Variants in SLC44A5 observed in about 807,000 individuals in gnomAD.
The protein encoded by SLC44A5 is solute carrier family 44 member 5, also known as choline transporter-like protein 5.
A neutral mutation model predicts 101.8 loss-of-function variants in SLC44A5; 57 were observed. The observed-to-expected ratio is 0.56, with a 90% confidence interval of 0.45 to 0.70. SLC44A5 has a LOEUF of 0.70. Among genes scored for constraint, SLC44A5 ranks in the 30% least tolerant of loss-of-function variants. The pLI, the probability that SLC44A5 is intolerant of heterozygous loss-of-function variation, is 0.00. For missense variants in SLC44A5, 737 were observed against 853.1 expected, an observed-to-expected ratio of 0.86 and a Z score of 1.70; for synonymous variants, 281 against 290.9, an observed-to-expected ratio of 0.97 and a Z score of 0.35.
At chr1:75,621,692 C>T in the SLC44A5 span, among the ~76,000 whole-genome samples, 2 of 152,064 alleles carry the variant, frequency 1.3e-5, no homozygotes, top group Non-Finnish European at 2.9e-5. Context: ...GTCAAATGAT[C>T]CAAACTTGCT....
chr1:75,224,350 A>G (rs1647152468), intron 13 of SLC44A5, among the ~76,000 whole-genome samples: 1 of 152,200 alleles, frequency 6.6e-6, no homozygotes, highest in African/African-American at 2.4e-5. Context: ...TTGTTATTTC[A>G]GAGTGTACTC....
the SLC44A5 span, among the ~76,000 whole-genome samples, chr1:75,651,619 C>A: frequency 1.7e-4 from 26 of 150,458 alleles, no homozygotes; most frequent in Non-Finnish European, 3.4e-4. Flanking sequence ...ATGGCGTGAA[C>A]CCGGGAGGTG....
At chr1:75,466,049 C>A (rs149989372) in intron 2 of SLC44A5, among the ~76,000 whole-genome samples, 7 of 152,248 alleles carry the variant, frequency 4.6e-5, no homozygotes, top group African/African-American at 1.2e-4. Flanking sequence ...ACTCTTATAT[C>A]CAAATCAGAA....
the SLC44A5 span, among the ~76,000 whole-genome samples, chr1:75,674,787 G>A: frequency 4.6e-5 from 7 of 152,314 alleles, no homozygotes; most frequent in East Asian, 1.3e-3. Context: ...TAGAGAAAGG[G>A]ATAGGAGTAG....
At chr1:75,416,951 G>A (rs2101540448) in intron 2 of SLC44A5, among the ~76,000 whole-genome samples, 1 of 152,290 alleles carries the variant, frequency 6.6e-6, no homozygotes, top group African/African-American at 2.4e-5. Flanking sequence ...AGGCAGAAGG[G>A]ATTTGCCTTG....
intron 2 of SLC44A5, among the ~76,000 whole-genome samples, chr1:75,463,120 G>T (rs979969060): frequency 1.3e-5 from 2 of 151,964 alleles, no homozygotes; most frequent in African/African-American, 2.4e-5. Flanking sequence ...AAAGATCAAG[G>T]ATTAATAAAA....
At chr1:75,689,419 G>T in the SLC44A5 span, among the ~76,000 whole-genome samples, 28 of 152,266 alleles carry the variant, frequency 1.8e-4, no homozygotes, top group African/African-American at 6.0e-4. Context: ...TGTCTTAAAG[G>T]GGGGAACTCC....
chr1:75,277,302 G>A (rs74096329), intron 5 of SLC44A5, among the ~76,000 whole-genome samples: 4,947 of 152,234 alleles, frequency 0.032, 264 homozygotes, highest in African/African-American at 0.11. Context: ...CAGCTGTTGT[G>A]CTAACTTGAT....
chr1:75,359,358 C>T (rs564855217), intron 3 of SLC44A5, among the ~76,000 whole-genome samples: 1 of 151,066 alleles, frequency 6.6e-6, no homozygotes, highest in African/African-American at 2.4e-5. Flanking sequence ...CCTCAGTCTC[C>T]CAAGTAGCTG....
intron 2 of SLC44A5, among the ~76,000 whole-genome samples, chr1:75,490,596 C>G (rs549331253): frequency 1.5e-4 from 23 of 152,330 alleles, no homozygotes; most frequent in Non-Finnish European, 2.8e-4. Flanking sequence ...ACCTTCTACA[C>G]TCTCATTGTC....
chr1:75,224,395 T>C (rs193125269), intron 13 of SLC44A5, among the ~76,000 whole-genome samples: 1 of 152,302 alleles, frequency 6.6e-6, no homozygotes, highest in Admixed American at 6.5e-5. Flanking sequence ...ATCTGTAAAA[T>C]AGCTTCAGGT....
chr1:75,712,703 A>AAAG, the SLC44A5 span, among the ~76,000 whole-genome samples: 1 of 133,280 alleles, frequency 7.5e-6, no homozygotes, highest in African/African-American at 2.8e-5. Context: ...TTGAGAAAAA[A>AAAG]AAAAAAAAAA....
chr1:75,528,677 C>T (rs1220632201), intron 2 of SLC44A5, among the ~76,000 whole-genome samples: 1 of 152,196 alleles, frequency 6.6e-6, no homozygotes, highest in Non-Finnish European at 1.5e-5. Context: ...GCTGGAAAAG[C>T]TTTTAATGAC....
At chr1:75,710,244 G>A in the SLC44A5 span, 1 of 152,122 alleles carries the variant, frequency 6.6e-6, no homozygotes, top group African/African-American at 2.4e-5. Flanking sequence ...AGAGTTAATT[G>A]TACATCAGTT....
the SLC44A5 span, among the ~76,000 whole-genome samples, chr1:75,630,356 AACATTC>A: frequency 6.6e-6 from 1 of 152,156 alleles, no homozygotes; most frequent in Non-Finnish European, 1.5e-5. Flanking sequence ...AAGTCTCAGA[AACATTC>A]ACCATTAGCC....
chr1:75,557,847 T>C (rs184401050), intron 1 of SLC44A5, among the ~76,000 whole-genome samples: 8 of 152,244 alleles, frequency 5.3e-5, no homozygotes, highest in Non-Finnish European at 7.4e-5. Flanking sequence ...TTAATGGCTA[T>C]TTATGACTAT....
intron 2 of SLC44A5, among the ~76,000 whole-genome samples, chr1:75,479,990 G>T (rs536800984): frequency 6.6e-6 from 1 of 152,298 alleles, no homozygotes; most frequent in Non-Finnish European, 1.5e-5. Context: ...GAACATTGAT[G>T]CAAAAATCCT....
At chr1:75,583,258 A>C (rs1673803446) in intron 1 of SLC44A5, among the ~76,000 whole-genome samples, 1 of 152,172 alleles carries the variant, frequency 6.6e-6, no homozygotes, top group South Asian at 2.1e-4. Context: ...GGGATCAAAA[A>C]AGGAGCTAAT....
intron 23 of SLC44A5, among the ~76,000 whole-genome samples, chr1:75,210,737 C>T (rs1223086303): frequency 6.6e-6 from 1 of 152,150 alleles, no homozygotes; most frequent in South Asian, 2.1e-4. Flanking sequence ...TAATTTCATG[C>T]TAACAGTATG....
Sources: gnomAD v4.1 joint callset for allele counts (sites outside exome capture counted in the v4.1 genomes callset) on GRCh38, gnomAD v4.1.1 for gene constraint, MANE v1.5 for transcripts, NCBI Gene and HGNC (gene_info 2026-07-23, HGNC 2026-07-21) for gene names.